POTEC: variants seen among roughly 807,000 people sequenced by gnomAD.
The protein encoded by POTEC is ANKRD26-like family B member 2.
A neutral mutation model predicts 62.0 loss-of-function variants in POTEC; 35 were observed. The ratio of observed to expected loss-of-function variants is 0.56; its 90% CI spans 0.43 to 0.75. The LOEUF (loss-of-function observed/expected upper bound fraction) is 0.75. POTEC is among the 30% of genes least tolerant of loss of function. The probability of loss-of-function intolerance (pLI) is 0.00; values close to 1 mark genes in which losing one functional copy is unlikely to be tolerated. For missense variants in POTEC, 472 were observed against 655.9 expected (o/e 0.72, Z 3.06); for synonymous variants, 156 against 221.5 (o/e 0.70, Z 2.62).
chr18:14,540,058 T>C (rs921376888), intron 1 of POTEC, among the ~76,000 whole-genome samples: 1 of 149,854 alleles, frequency 6.7e-6, no homozygotes, highest in Non-Finnish European at 1.5e-5. Flanking sequence ...ATTTGCTATT[T>C]TAGTTTTCAT....
intron 5 of POTEC, among the ~76,000 whole-genome samples, chr18:14,532,161 G>C (rs1472000393): frequency 2.6e-5 from 4 of 151,930 alleles, no homozygotes; most frequent in African/African-American, 9.7e-5. Flanking sequence ...GAACCCCTCT[G>C]ACCCTTTATA....
rs1906044994 is a variant in POTEC at position 14,543,598 on chromosome 18, T to TGGGGCGCGC, written c.-453_-452insGCGCGCCCC. On this transcript the variant is annotated 5_prime_UTR_variant, in exon 1 of 11. It adds an upstream start codon to the 5' untranslated region. Coordinates refer to ENST00000358970, the MANE Select transcript of POTEC (RefSeq NM_001137671.2). ...ACCCGTTACAGGTAAGCCAAGCCGT[T>TGGGGCGCGC]ATGCGCGTGCGGGGCGCGCGTGCGG... 1 of 220,794 alleles carries TGGGGCGCGC rather than the reference T, an allele frequency of 4.5e-6. No homozygotes were observed. The highest frequency in any genetic ancestry group is 3.4e-5 in the African/African-American group (1 of 29,346). The allele number at this position is 220,794 out of a possible 1,614,324, so 13.7% of individuals were successfully genotyped here.
chr18:14,534,903 T>G lies in POTEC; in HGVS notation c.915A>C (p.Gly305=). Residue 305 remains glycine, a splice_region_variant and synonymous_variant, in exon 4 of 11, where the codon GGA becomes GGC. Coordinates refer to ENST00000358970, the MANE Select transcript of POTEC (RefSeq NM_001137671.2). ...KANLNALDRY[G]RTALILAVCC... ...CAGATTAAAAGAAATAACCATACCT[T>G]CCATATCTATCAAGTGCATTTAAAT... 6.3e-7 allele frequency: 1 copy of G among 1,578,246 alleles called. No homozygotes were observed. Among genetic ancestry groups the G allele is most frequent in the South Asian group, 1.2e-5 (1 of 86,090 alleles).
At chr18:14,521,401 G>A (rs530874643) in intron 9 of POTEC, among the ~76,000 whole-genome samples, 15 of 152,068 alleles carry the variant, frequency 9.9e-5, no homozygotes, top group Non-Finnish European at 1.6e-4. Context: ...TGTAAAAAAT[G>A]GTTGCATACT....
intron 1 of POTEC, among the ~76,000 whole-genome samples, chr18:14,541,710 A>G (rs1370152911): frequency 6.6e-6 from 1 of 151,926 alleles, no homozygotes; most frequent in African/African-American, 2.4e-5. Context: ...CTCCTTTTGT[A>G]TCTTTAAAAT....
intron 9 of POTEC, among the ~76,000 whole-genome samples, chr18:14,513,986 C>G (rs574634934): frequency 9.3e-4 from 142 of 152,116 alleles, no homozygotes; most frequent in African/African-American, 3.3e-3. Context: ...GATAATTTTT[C>G]CATGGACCTG....
chr18:14,519,893 C>A (rs1286621908), intron 9 of POTEC, among the ~76,000 whole-genome samples: 6 of 151,840 alleles, frequency 4.0e-5, no homozygotes, highest in African/African-American at 9.7e-5. Context: ...AGTGAAGACG[C>A]CGTTAGGGAG....
At chr18:14,525,318 ATTTAGT>A (rs1489901436) in intron 6 of POTEC, among the ~76,000 whole-genome samples, 1 of 152,104 alleles carries the variant, frequency 6.6e-6, no homozygotes, top group East Asian at 1.9e-4. Context: ...AGAAAAGAAC[ATTTAGT>A]TTTAAAGAGA....
Position 14,537,983 on chromosome 18 carries a change from A to T in POTEC, c.637-9T>A, listed in dbSNP as rs1197546354. 6.2e-7 allele frequency: 1 copy of T among 1,604,124 alleles called. No individual in the cohort carries two copies. The highest frequency in any genetic ancestry group is 1.4e-5 in the African/African-American group (1 of 72,132). Reference sequence around the variant, plus strand: ...TCCTGGCATTGTACGGCCTGTCAGTATTAGACCAAAAACAAATTATTAAGT... The same window carrying T: ...TCCTGGCATTGTACGGCCTGTCAGTTTTAGACCAAAAACAAATTATTAAGT... On this transcript the variant is annotated splice_polypyrimidine_tract_variant and intron_variant, in intron 2 of 10. Transcript: ENST00000358970.
At chr18:14,527,009 A>G (rs1394433070) in intron 6 of POTEC, among the ~76,000 whole-genome samples, 2 of 152,178 alleles carry the variant, frequency 1.3e-5, no homozygotes, top group African/African-American at 4.8e-5. Context: ...CATAGAAATT[A>G]TAATAAATCA....
intron 1 of POTEC, among the ~76,000 whole-genome samples, chr18:14,538,997 A>G (rs903240634): frequency 2.6e-5 from 4 of 152,182 alleles, no homozygotes; most frequent in Non-Finnish European, 5.9e-5. Flanking sequence ...TAGCATTTAG[A>G]TAAATTTTAG....
intron 6 of POTEC, among the ~76,000 whole-genome samples, chr18:14,526,346 T>C (rs550676065): frequency 6.0e-4 from 92 of 152,270 alleles, no homozygotes; most frequent in Non-Finnish European, 1.1e-3. Flanking sequence ...CTGTACATTA[T>C]TCTTCCACAG....
At position 14,513,760 on chromosome 18, in the gene POTEC, G is replaced by A. The variant is rs200480085; in HGVS notation, c.1435C>T (p.Gln479Ter). 1 of 1,609,796 alleles carries A rather than the reference G, an allele frequency of 6.2e-7. No individual in the cohort carries two copies. Among genetic ancestry groups the A allele is most frequent in the South Asian group, 1.1e-5 (1 of 90,308 alleles). Residue 479 changes from glutamine to a stop codon, truncating the protein, a stop_gained, in exon 10 of 11, where the codon CAA (glutamine) becomes TAA (stop). Transcript: ENST00000358970. LOFTEE classifies it high-confidence loss of function. ...CCAGTGTTCTGTTCTTCAGAAAGTTGTTTCCGGGTATCATTTTGTTCGTCA... is the reference window on the plus strand; with the variant it reads ...CCAGTGTTCTGTTCTTCAGAAAGTTATTTCCGGGTATCATTTTGTTCGTCA... ...HSDEQNDTRK[Q>*]LSEEQNTGIS... is the part of the protein sequence containing the mutation.
intron 9 of POTEC, among the ~76,000 whole-genome samples, chr18:14,520,708 T>G (rs1910285581): frequency 6.6e-6 from 1 of 151,994 alleles, no homozygotes; most frequent in Non-Finnish European, 1.5e-5. Flanking sequence ...ACCTTCCTTT[T>G]AGCACACGGG....
rs1365612410 is a variant in POTEC at position 14,543,080 on chromosome 18, T to C, written c.67A>G (p.Lys23Glu). The C allele has an allele frequency of 2.5e-6, 4 of 1,613,980 alleles. No homozygotes were observed. Among genetic ancestry groups the C allele is most frequent in the Non-Finnish European group, 3.4e-6 (4 of 1,179,892 alleles). Residue 23 changes from lysine (K) to glutamate (E), a missense_variant, in exon 1 of 11, where the codon AAG (lysine) becomes GAG (glutamate). Physicochemically the swap from Lys to Glu is moderately conservative, Grantham distance 56. Around this residue, in one of 5 missense-constraint regions of POTEC, gnomAD observed 257 missense variants for 250.7 expected, o/e 1.03. Transcript: ENST00000358970. ...CGGTGGTGAAACCACTTGCCCATCT[T>C]GCTCCTGAGATCGAATGGCTTCTTC... ...AVKKPFDLRS[K>E]MGKWFHHRFP...
intron 5 of POTEC, among the ~76,000 whole-genome samples, chr18:14,532,001 C>A (rs1905539679): frequency 6.6e-6 from 1 of 151,308 alleles, no homozygotes; most frequent in African/African-American, 2.4e-5. Context: ...CTCAAGGGGC[C>A]AACCACAGCT....
Position 14,507,667 on chromosome 18 carries a change from T to A in POTEC, c.*4231A>T, listed in dbSNP as rs969726681. 6.6e-6 allele frequency: 1 copy of A among 152,192 alleles called. No homozygotes were observed. Among genetic ancestry groups the A allele is most frequent in the Non-Finnish European group, 1.5e-5 (1 of 68,048 alleles). The allele number at this position is 152,192 out of a possible 1,614,324, so 9.4% of individuals were successfully genotyped here. ...CAGACTTATGTATGTGGTTGGTTTTTAGCATCACTTGTCTGTGTACTTCAG... is the reference window on the plus strand; with the variant it reads ...CAGACTTATGTATGTGGTTGGTTTTAAGCATCACTTGTCTGTGTACTTCAG... On this transcript the variant is annotated 3_prime_UTR_variant, in exon 11 of 11. Transcript: ENST00000358970.
intron 3 of POTEC, among the ~76,000 whole-genome samples, chr18:14,536,404 GTTGTTGTTGTT>G (rs1221664744): frequency 3.3e-5 from 5 of 151,818 alleles, no homozygotes; most frequent in Non-Finnish European, 4.4e-5. Context: ...GAAATTTGTT[GTTGTTGTTGTT>G]AGAGACAGGG....
At position 14,542,868 on chromosome 18, in the gene POTEC, C is replaced by A. The variant is rs200779556; in HGVS notation, c.279G>T (p.Thr93=). ...ACCACTTGCCCATCTTGCTCCTGAG[C>A]GTCTTCATAAAGGAGTTGTCATGGT... ...SGDHDNSFMK[T]LRSKMGKWCC... The change falls in exon 1 of 11, where the codon ACG becomes ACT. Residue 93 remains threonine, a synonymous_variant. Transcript: ENST00000358970. The A allele has an allele frequency of 2.3e-6, 3 of 1,307,230 alleles. No individual in the cohort carries two copies. The highest frequency in any genetic ancestry group is 2.9e-5 in the African/African-American group (2 of 69,214). The allele number at this position is 1,307,230 out of a possible 1,614,324, so 81.0% of individuals were successfully genotyped here.
Sources: allele counts gnomAD v4.1 joint callset (sites outside exome capture counted in the v4.1 genomes callset), GRCh38; gene constraint gnomAD v4.1.1; regional missense constraint gnomAD v4.1.1; transcripts MANE v1.5; gene names NCBI Gene and HGNC (gene_info 2026-07-23, HGNC 2026-07-21).